The following KIAA0825 variants were observed in gnomAD, a reference collection of about 807,000 sequenced individuals.
KIAA0825 encodes the protein uncharacterized protein KIAA0825.
Under a neutral mutation model 147.6 loss-of-function variants are expected in KIAA0825, and 119 were observed. That is an observed-to-expected ratio of 0.81 (90% CI 0.69 to 0.94). KIAA0825 has a LOEUF of 0.94. Among genes scored for constraint, KIAA0825 ranks in the 40% least tolerant of loss-of-function variants. KIAA0825 has a pLI of 0.00. For synonymous variants in KIAA0825, 470 were observed against 518.1 expected (o/e 0.91, Z 1.26); for missense variants, 1,381 against 1,472.7 (o/e 0.94, Z 1.02).
intron 10 of KIAA0825, among the ~76,000 whole-genome samples, chr5:94,469,160 T>G (rs1387093457): frequency 2.0e-5 from 3 of 151,936 alleles, no homozygotes; most frequent in African/African-American, 7.3e-5. Context: ...CTATAACTGA[T>G]CAGATGACTG....
intron 20 of KIAA0825, among the ~76,000 whole-genome samples, chr5:94,368,352 T>C (rs1562424360): frequency 6.6e-6 from 1 of 152,136 alleles, no homozygotes; most frequent in Admixed American, 6.5e-5. Flanking sequence ...TTTGTATTTT[T>C]TGTAGAAATA....
intron 20 of KIAA0825, among the ~76,000 whole-genome samples, chr5:94,356,100 T>G (rs759075324): frequency 4.6e-5 from 7 of 152,122 alleles, no homozygotes; most frequent in Admixed American, 2.0e-4. Flanking sequence ...CCCAAATAAT[T>G]TATCATTGCA....
At chr5:94,225,957 A>G (rs578252485) in intron 20 of KIAA0825, among the ~76,000 whole-genome samples, 2 of 152,326 alleles carry the variant, frequency 1.3e-5, no homozygotes, top group South Asian at 2.1e-4. Flanking sequence ...GGCAGGGCAA[A>G]GACTTCATGA....
intron 20 of KIAA0825, among the ~76,000 whole-genome samples, chr5:94,299,963 C>G (rs1036052663): frequency 6.6e-6 from 1 of 151,848 alleles, no homozygotes; most frequent in Non-Finnish European, 1.5e-5. Flanking sequence ...TAAAAACAGA[C>G]AATTGTGGGC....
In KIAA0825 at chr5:94,562,998, G is replaced by A. The variant is rs1046124621; in HGVS notation, c.-2+19435C>T. Among the ~76,000 whole-genome samples, 18 of 152,022 alleles carry A rather than the reference G, an allele frequency of 1.2e-4. No individual in the cohort carries two copies. The South Asian group carries it at 1.2e-3, about 11-fold the overall frequency. On this transcript the variant is annotated intron_variant, in intron 2 of 20. Coordinates refer to ENST00000682413, the MANE Select transcript of KIAA0825 (RefSeq NM_001145678.3). ...TCATAAAACAGTTAAAATTTTACCC[G>A]TAGACACTATTGAGAAACAGGTTCT...
At chr5:94,296,364 T>C (rs1420242687) in intron 20 of KIAA0825, among the ~76,000 whole-genome samples, 1 of 152,068 alleles carries the variant, frequency 6.6e-6, no homozygotes, top group Non-Finnish European at 1.5e-5. Context: ...GGATCCACTA[T>C]AGACCACTTG....
intron 20 of KIAA0825, among the ~76,000 whole-genome samples, chr5:94,288,581 G>A (rs1777755478): frequency 6.6e-6 from 1 of 152,060 alleles, no homozygotes; most frequent in African/African-American, 2.4e-5. Context: ...CACCTATTTG[G>A]GTAGAGATTT....
chr5:94,516,744 C>T (rs1767315449), intron 5 of KIAA0825, among the ~76,000 whole-genome samples: 1 of 145,754 alleles, frequency 6.9e-6, no homozygotes, highest in Non-Finnish European at 1.5e-5. Context: ...GAGCGGAGAT[C>T]GCGCCACAGC....
At chr5:94,578,954 C>A (rs1305006897) in intron 2 of KIAA0825, among the ~76,000 whole-genome samples, 1 of 152,136 alleles carries the variant, frequency 6.6e-6, no homozygotes, top group Non-Finnish European at 1.5e-5. Context: ...GAGTCAGACT[C>A]TGTCACCCAG....
At chr5:94,536,878 GA>G (rs1417139405) in intron 3 of KIAA0825, 117 bp downstream of exon 3, 2 of 646,858 alleles carry the variant, frequency 3.1e-6, no homozygotes, top group East Asian at 3.1e-5. Flanking sequence ...TATTTTGGGG[GA>G]AAGTTAATGA....
chr5:94,288,646 A>G (rs747394484), intron 20 of KIAA0825, among the ~76,000 whole-genome samples: 1 of 152,202 alleles, frequency 6.6e-6, no homozygotes, highest in African/African-American at 2.4e-5. Flanking sequence ...CTGTCCATAA[A>G]CAAACACACA....
intron 12 of KIAA0825, among the ~76,000 whole-genome samples, chr5:94,461,092 T>C (rs975926509): frequency 6.6e-6 from 1 of 151,928 alleles, no homozygotes; most frequent in Non-Finnish European, 1.5e-5. Flanking sequence ...ACTTGCATAG[T>C]TGTTAAAAAT....
intron 16 of KIAA0825, 140 bp downstream of exon 16, chr5:94,403,429 T>C: frequency 1.6e-6 from 1 of 622,064 alleles, no homozygotes; most frequent in Non-Finnish European, 2.8e-6. Context: ...AAAATAAAAA[T>C]AAGGGTCGCA....
intron 5 of KIAA0825, among the ~76,000 whole-genome samples, chr5:94,512,845 G>A (rs1478466766): frequency 1.3e-5 from 2 of 152,076 alleles, no homozygotes; most frequent in Non-Finnish European, 2.9e-5. Context: ...GCAGTGAGCT[G>A]AGATCGCATC....
intron 20 of KIAA0825, among the ~76,000 whole-genome samples, chr5:94,363,705 AT>A (rs1280343364): frequency 1.6e-4 from 25 of 152,036 alleles, no homozygotes; most frequent in African/African-American, 2.2e-4. Flanking sequence ...TACAAAAAAA[AT>A]TTTTTTTAAA....
At chr5:94,594,436 C>T in intron 1 of KIAA0825, 1 of 734,064 alleles carries the variant, frequency 1.4e-6, no homozygotes, top group South Asian at 1.3e-5. Flanking sequence ...TATTACCATA[C>T]AGTAGATTTT....
intron 20 of KIAA0825, among the ~76,000 whole-genome samples, chr5:94,294,243 G>T (rs1476101855): frequency 1.3e-5 from 2 of 152,148 alleles, no homozygotes; most frequent in African/African-American, 4.8e-5. Flanking sequence ...TTACAATTTG[G>T]TATGTTTTTC....
intron 2 of KIAA0825, among the ~76,000 whole-genome samples, chr5:94,540,556 T>C (rs73145080): frequency 0.011 from 1,604 of 152,348 alleles, 29 homozygotes; most frequent in African/African-American, 0.035. Context: ...TGTGTATTTA[T>C]ATGTGTTGTG....
At chr5:94,595,762 A>G (rs1162046512) in intron 1 of KIAA0825, among the ~76,000 whole-genome samples, 1 of 152,164 alleles carries the variant, frequency 6.6e-6, no homozygotes, top group African/African-American at 2.4e-5. Flanking sequence ...CTGTGACTAT[A>G]TAAAACTGAA....
Sources: allele counts gnomAD v4.1 joint callset (sites outside exome capture counted in the v4.1 genomes callset), GRCh38; gene constraint gnomAD v4.1.1; transcripts MANE v1.5; gene names NCBI Gene and HGNC (gene_info 2026-07-23, HGNC 2026-07-21).